ZBTB7C: variants seen among roughly 807,000 people sequenced by gnomAD.
ZBTB7C encodes zinc finger and BTB domain containing 7C.
A neutral mutation model predicts 25.7 loss-of-function variants in ZBTB7C; 8 were observed. The observed-to-expected ratio is 0.31, with a 90% CI of 0.18 to 0.56. The LOEUF (loss-of-function observed/expected upper bound fraction) is 0.56. Ranked by LOEUF, ZBTB7C falls within the 20% of genes least tolerant of loss-of-function variation. ZBTB7C has a pLI of 0.91. For missense variants in ZBTB7C, 824 were observed against 855.2 expected, an observed-to-expected ratio of 0.96 and a Z score of 0.46; for synonymous variants, 394 against 369.0, an observed-to-expected ratio of 1.07 and a Z score of -0.78.
chr18:48,133,875 C>T (rs1262658787), intron 3 of ZBTB7C, among the ~76,000 whole-genome samples: 1 of 152,170 alleles, frequency 6.6e-6, no homozygotes, highest in Non-Finnish European at 1.5e-5. Context: ...CTCCCTGGCC[C>T]AACCTGTAGG....
chr18:48,284,817 A>G (rs2044991850), intron 2 of ZBTB7C, among the ~76,000 whole-genome samples: 1 of 123,114 alleles, frequency 8.1e-6, no homozygotes, highest in Non-Finnish European at 1.8e-5. Context: ...AAAAACAGAG[A>G]GAGAGAGAGA....
At chr18:48,101,770 G>A (rs2038839096) in intron 3 of ZBTB7C, among the ~76,000 whole-genome samples, 1 of 152,194 alleles carries the variant, frequency 6.6e-6, no homozygotes, top group Non-Finnish European at 1.5e-5. Flanking sequence ...TATATTGGAG[G>A]TCTAACCATC....
intron 1 of ZBTB7C, among the ~76,000 whole-genome samples, chr18:48,367,281 TAAATATGTATCTATAC>T (rs2047258367): frequency 7.4e-6 from 1 of 135,280 alleles, no homozygotes; most frequent in Non-Finnish European, 1.6e-5. Flanking sequence ...TATGTATATG[TAAATATGTATCTATAC>T]ATATATGTAT....
intron 3 of ZBTB7C, among the ~76,000 whole-genome samples, chr18:48,155,864 C>T (rs976589483): frequency 6.6e-6 from 1 of 152,126 alleles, no homozygotes; most frequent in African/African-American, 2.4e-5. Flanking sequence ...TACTTTATCT[C>T]AAACTGTACT....
At chr18:48,179,910 C>CTTCTT (rs1345665806) in intron 3 of ZBTB7C, among the ~76,000 whole-genome samples, 1 of 135,908 alleles carries the variant, frequency 7.4e-6, no homozygotes, top group Non-Finnish European at 1.6e-5. Context: ...TCCTTCCTTC[C>CTTCTT]TCCCTTCCTT....
chr18:48,376,744 ACT>A (rs2047528175), intron 1 of ZBTB7C, among the ~76,000 whole-genome samples: 1 of 152,196 alleles, frequency 6.6e-6, no homozygotes, highest in South Asian at 2.1e-4. Context: ...AGGTGGCCAA[ACT>A]CTGTAAATGC....
rs1205837331 is a variant in ZBTB7C, at chr18:48,361,898, GC to G, written c.-303-23501del. Among the ~76,000 whole-genome samples, 10 of 152,306 alleles carry G rather than the reference GC, an allele frequency of 6.6e-5. No homozygotes were observed. In the East Asian group the frequency reaches 1.9e-3, roughly 29 times the overall value. ...TTCAGCAAGTGTGGTCAGACACACA[GC>G]CCTCCAGCCAGCACGGCAGGAGGAG... On this transcript the variant is annotated intron_variant, in intron 1 of 4. Transcript: ENST00000590800.
rs530989313 is a variant in ZBTB7C at position 48,395,870 on chromosome 18, G to A, written c.-304+13356C>T. Among the ~76,000 whole-genome samples the A allele has an allele frequency of 1.1e-4, 16 of 152,224 alleles. 1 individual carries two copies. The highest frequency in any genetic ancestry group is 3.6e-4 in the African/African-American group (15 of 41,518). On this transcript the variant is annotated intron_variant, in intron 1 of 4. Transcript: ENST00000590800. ...TGAGTCAGGTCTATACAGATGCAGG[G>A]TCTTAAAAATTGTAAGGAAAGAAAA...
At chr18:48,208,291 T>C (rs1016099738) in intron 2 of ZBTB7C, among the ~76,000 whole-genome samples, 3 of 152,074 alleles carry the variant, frequency 2.0e-5, no homozygotes, top group African/African-American at 7.2e-5. Flanking sequence ...TCCTTTACTT[T>C]TGGAGTGTGA....
chr18:48,408,581 C>T (rs1299520033), intron 1 of ZBTB7C: 1 of 152,264 alleles, frequency 6.6e-6, no homozygotes, highest in Non-Finnish European at 1.5e-5. Flanking sequence ...CTGCTCAGAT[C>T]TCATCGAGAG....
intron 4 of ZBTB7C, among the ~76,000 whole-genome samples, chr18:48,032,264 C>A (rs972413027): frequency 6.6e-6 from 1 of 151,758 alleles, no homozygotes; most frequent in Non-Finnish European, 1.5e-5. Context: ...CAGGCATGCA[C>A]CACCACGCCC....
chr18:48,132,802 A>C (rs1436852895), intron 3 of ZBTB7C, among the ~76,000 whole-genome samples: 2 of 152,196 alleles, frequency 1.3e-5, no homozygotes, highest in Non-Finnish European at 2.9e-5. Flanking sequence ...TTGTCTCCAG[A>C]AACAATTTAA....
intron 2 of ZBTB7C, among the ~76,000 whole-genome samples, chr18:48,251,607 C>A (rs145918879): frequency 6.6e-6 from 1 of 152,162 alleles, no homozygotes; most frequent in Admixed American, 6.5e-5. Flanking sequence ...TTCAACATGG[C>A]GGCTCCATCT....
In ZBTB7C at chr18:48,029,185, C is replaced by A; in HGVS notation, c.*75G>T. ...TGTTTTTAAAATGAAAAGTTCAGAT[C>A]CATGGGGTAGGGTAGAGTGGGCCTG... On this transcript the variant is annotated 3_prime_UTR_variant, in exon 5 of 5. Transcript: ENST00000590800. 6.9e-7 allele frequency: 1 copy of A among 1,451,056 alleles called. No homozygotes were observed. Among genetic ancestry groups the A allele is most frequent in the Non-Finnish European group, 9.0e-7 (1 of 1,109,320 alleles). The allele number at this position is 1,451,056 out of a possible 1,614,324, so 89.9% of individuals were successfully genotyped here. A position where few individuals can be genotyped will look rare whatever the true frequency, so the allele number is the denominator to read the frequency against.
intron 3 of ZBTB7C, among the ~76,000 whole-genome samples, chr18:48,156,217 G>A (rs1402337012): frequency 3.3e-5 from 5 of 152,204 alleles, no homozygotes; most frequent in African/African-American, 4.8e-5. Context: ...CAGGATTTGG[G>A]TCATGTTCAA....
At chr18:48,389,189 ACTCTCTCTCT>A (rs757520664) in intron 1 of ZBTB7C, among the ~76,000 whole-genome samples, 774 of 64,044 alleles carry the variant, frequency 0.012, 7 homozygotes, top group East Asian at 0.066. Context: ...GAGCCCTTTA[ACTCTCTCTCT>A]CTCTCTCTCT....
intron 1 of ZBTB7C, among the ~76,000 whole-genome samples, chr18:48,362,593 T>C (rs2047133761): frequency 6.6e-6 from 1 of 152,222 alleles, no homozygotes; most frequent in African/African-American, 2.4e-5. Flanking sequence ...CAGTTTCTGC[T>C]GTTTATAAGC....
chr18:48,355,473 G>C (rs1438212289), intron 1 of ZBTB7C, among the ~76,000 whole-genome samples: 1 of 152,152 alleles, frequency 6.6e-6, no homozygotes, highest in Non-Finnish European at 1.5e-5. Flanking sequence ...GACCTTCCAC[G>C]TTCTGGCTCC....
chr18:48,219,212 G>A (rs1190647439), intron 2 of ZBTB7C, among the ~76,000 whole-genome samples: 1 of 152,060 alleles, frequency 6.6e-6, no homozygotes, highest in Non-Finnish European at 1.5e-5. Context: ...AAGTATATCG[G>A]ACTCACTCCC....
Sources: gnomAD v4.1 joint callset for allele counts (sites outside exome capture counted in the v4.1 genomes callset) on GRCh38, gnomAD v4.1.1 for gene constraint, MANE v1.5 for transcripts, NCBI Gene and HGNC (gene_info 2026-07-23, HGNC 2026-07-21) for gene names.